ZNF407: variants seen among roughly 807,000 people sequenced by gnomAD.
ZNF407 encodes the protein zinc finger protein 407.
ZNF407 carries 17 observed loss-of-function variants against 131.2 expected under a neutral mutation model. The observed-to-expected ratio is 0.13, with a 90% CI of 0.09 to 0.19. ZNF407 has a LOEUF of 0.19. ZNF407 is among the 10% of genes least tolerant of loss of function. ZNF407 has a pLI of 1.00. For synonymous variants in ZNF407, 1,156 were observed against 1,062.0 expected, an observed-to-expected ratio of 1.09 and a Z score of -1.72; for missense variants, 2,681 against 2,830.6, an observed-to-expected ratio of 0.95 and a Z score of 1.20.
chr18:74,958,625 C>T (rs899115420), intron 8 of ZNF407, among the ~76,000 whole-genome samples: 4 of 151,930 alleles, frequency 2.6e-5, no homozygotes, highest in Admixed American at 1.3e-4. Flanking sequence ...ACAAGCTATG[C>T]AGGCAGAGGG....
At position 74,631,238 on chromosome 18, in the gene ZNF407, C is replaced by T. The variant is rs945164309; in HGVS notation, c.219C>T (p.Ser73=). The change falls in exon 2 of 9, where the codon TCC becomes TCT. Residue 73 remains serine, a synonymous_variant. Transcript: ENST00000299687. The part of the protein sequence containing the change: ...VIGEDRNKHA[S]KRRKLDEAEP... ...GAGAAGACAGAAATAAACATGCTTCCAAACGCAGGAAATTAGATGAGGCAG... is the reference window on the plus strand; with the variant it reads ...GAGAAGACAGAAATAAACATGCTTCTAAACGCAGGAAATTAGATGAGGCAG... 2.5e-6 allele frequency: 4 copies of T among 1,613,728 alleles called. No homozygotes were observed. In the African/African-American group the frequency reaches 5.3e-5, roughly 22 times the overall value.
chr18:74,782,851 T>C (rs1248847716), intron 4 of ZNF407, among the ~76,000 whole-genome samples: 2 of 152,052 alleles, frequency 1.3e-5, no homozygotes, highest in Admixed American at 1.3e-4. Context: ...AATCTCCTAA[T>C]CTCGTGATCC....
intron 4 of ZNF407, among the ~76,000 whole-genome samples, chr18:74,813,413 A>G (rs1970224935): frequency 2.0e-5 from 3 of 152,010 alleles, no homozygotes; most frequent in Non-Finnish European, 2.9e-5. Flanking sequence ...TCAAACGGGA[A>G]TTTGTCTTCA....
At chr18:74,818,256 G>A (rs901391116) in intron 4 of ZNF407, among the ~76,000 whole-genome samples, 11 of 152,174 alleles carry the variant, frequency 7.2e-5, no homozygotes, top group Admixed American at 2.0e-4. Flanking sequence ...ATTCTCTCTC[G>A]AGCATAGCGC....
intron 3 of ZNF407, among the ~76,000 whole-genome samples, chr18:74,706,827 T>C (rs1967634563): frequency 6.6e-6 from 1 of 152,192 alleles, no homozygotes; most frequent in African/African-American, 2.4e-5. Flanking sequence ...TTCTCCGTGA[T>C]GGACACAACG....
At chr18:75,020,045 G>C (rs1307305426) in intron 8 of ZNF407, among the ~76,000 whole-genome samples, 1 of 152,136 alleles carries the variant, frequency 6.6e-6, no homozygotes, top group Non-Finnish European at 1.5e-5. Flanking sequence ...CTGGTCATCA[G>C]ATTGACTGGT....
At chr18:74,764,186 T>G (rs1969175900) in intron 3 of ZNF407, among the ~76,000 whole-genome samples, 1 of 152,210 alleles carries the variant, frequency 6.6e-6, no homozygotes, top group Non-Finnish European at 1.5e-5. Context: ...TTTCTTCAAC[T>G]ACTTCCCTGT....
At chr18:74,690,740 T>C (rs908283358) in intron 3 of ZNF407, among the ~76,000 whole-genome samples, 1 of 152,192 alleles carries the variant, frequency 6.6e-6, no homozygotes, top group African/African-American at 2.4e-5. Context: ...TGCCAAATAA[T>C]TAGCAAAGTG....
chr18:74,825,435 A>T (rs1014206596), intron 4 of ZNF407, among the ~76,000 whole-genome samples: 16 of 152,358 alleles, frequency 1.1e-4, no homozygotes, highest in Admixed American at 4.6e-4. Flanking sequence ...TTGTATATTT[A>T]GAAAACCCCA....
chr18:75,037,389 A>G (rs1973321176), intron 8 of ZNF407, among the ~76,000 whole-genome samples: 1 of 152,056 alleles, frequency 6.6e-6, no homozygotes, highest in African/African-American at 2.4e-5. Flanking sequence ...TTTTGGTAGC[A>G]AAGATTGTGT....
chr18:74,758,734 A>G (rs9319640), intron 3 of ZNF407, among the ~76,000 whole-genome samples: 145,120 of 152,126 alleles, frequency 0.95, 69,559 homozygotes, highest in East Asian at 1. Context: ...CAGATTACAG[A>G]TGTGTGCTCC....
intron 8 of ZNF407, among the ~76,000 whole-genome samples, chr18:74,959,085 C>T (rs751977620): frequency 1.3e-5 from 2 of 152,166 alleles, no homozygotes; most frequent in Non-Finnish European, 2.9e-5. Flanking sequence ...TGTATATAAC[C>T]TACTTTTCAT....
At chr18:74,934,679 G>A (rs1316243761) in intron 8 of ZNF407, among the ~76,000 whole-genome samples, 1 of 152,188 alleles carries the variant, frequency 6.6e-6, no homozygotes. Flanking sequence ...GGTGGCGCGT[G>A]CCTGTAATAC....
At chr18:75,029,797 G>A (rs1973218420) in intron 8 of ZNF407, among the ~76,000 whole-genome samples, 1 of 152,210 alleles carries the variant, frequency 6.6e-6, no homozygotes, top group Admixed American at 6.5e-5. Context: ...GTGAACGGAT[G>A]TCTTAGAATG....
chr18:74,979,847 TCA>T (rs896187374), intron 8 of ZNF407, among the ~76,000 whole-genome samples: 1 of 152,210 alleles, frequency 6.6e-6, no homozygotes, highest in Non-Finnish European at 1.5e-5. Context: ...CCTAGTTTTC[TCA>T]AAAACTTGGA....
At chr18:75,051,353 C>T (rs1389260029) in intron 8 of ZNF407, among the ~76,000 whole-genome samples, 1 of 152,188 alleles carries the variant, frequency 6.6e-6, no homozygotes, top group Non-Finnish European at 1.5e-5. Flanking sequence ...GTGCATTCTT[C>T]CTGTGCTCAC....
chr18:74,609,265 G>A (rs966190935), intron 1 of ZNF407, among the ~76,000 whole-genome samples: 3 of 152,130 alleles, frequency 2.0e-5, no homozygotes, highest in African/African-American at 4.8e-5. Flanking sequence ...TGTGCAGGGG[G>A]GATACATTCT....
At chr18:74,800,156 G>A (rs1969995399) in intron 4 of ZNF407, among the ~76,000 whole-genome samples, 1 of 151,816 alleles carries the variant, frequency 6.6e-6, no homozygotes, top group African/African-American at 2.4e-5. Context: ...ATATTCCTAA[G>A]GATATAACCT....
intron 4 of ZNF407, among the ~76,000 whole-genome samples, chr18:74,871,846 T>C (rs1487113536): frequency 6.6e-6 from 1 of 150,748 alleles, no homozygotes; most frequent in Non-Finnish European, 1.5e-5. Flanking sequence ...TAGTCATATT[T>C]ATTACAGATT....
Sources: allele counts gnomAD v4.1 joint callset (sites outside exome capture counted in the v4.1 genomes callset), GRCh38; gene constraint gnomAD v4.1.1; transcripts MANE v1.5; gene names NCBI Gene and HGNC (gene_info 2026-07-23, HGNC 2026-07-21).